Variants in FASTKD1 observed in about 807,000 individuals in gnomAD.
FASTKD1 encodes the protein FAST kinase domains 1.
FASTKD1 carries 94 observed loss-of-function variants against 90.9 expected under a neutral mutation model. That is an observed-to-expected ratio of 1.03 (90% CI 0.88 to 1.23). The LOEUF is 1.23. Among genes scored for constraint, FASTKD1 ranks in the 50% most tolerant of loss-of-function variants. The pLI is 0.00. For missense variants in FASTKD1, 945 were observed against 993.5 expected, an observed-to-expected ratio of 0.95 and a Z score of 0.66; for synonymous variants, 319 against 345.8, an observed-to-expected ratio of 0.92 and a Z score of 0.86.
chr2:169,559,066 C>T (rs777096321), intron 5 of FASTKD1, among the ~76,000 whole-genome samples: 3 of 151,648 alleles, frequency 2.0e-5, no homozygotes, highest in Non-Finnish European at 4.4e-5. Context: ...CCTGCACCTC[C>T]CGGGTTCAAG....
chr2:169,559,118 G>C (rs1310212736), intron 5 of FASTKD1, among the ~76,000 whole-genome samples: 1 of 151,638 alleles, frequency 6.6e-6, no homozygotes, highest in African/African-American at 2.4e-5. Context: ...GGGACTACAG[G>C]CGCTGCCATC....
At position 169,546,418 on chromosome 2, in the gene FASTKD1, G is replaced by A. The variant is rs372544431; in HGVS notation, c.1501C>T (p.Arg501Trp). Residue 501 changes from arginine to tryptophan, a missense_variant, in exon 8 of 15, where the codon CGG becomes TGG. By Grantham distance (101) the Arg-to-Trp change is moderately radical. Coordinates refer to ENST00000453153, the MANE Select transcript of FASTKD1 (RefSeq NM_024622.6). ...LQHSNSLDLL[R>W]KELKSLKGNT... ...CCTTTGAGAGATTTAAGTTCCTTCCGTAACAGATCCAAACTGTTGCTGTGT... is the reference window on the plus strand; with the variant it reads ...CCTTTGAGAGATTTAAGTTCCTTCCATAACAGATCCAAACTGTTGCTGTGT... 3.0e-5 allele frequency: 49 copies of A among 1,613,952 alleles called. No individual in the cohort carries two copies. Among genetic ancestry groups the A allele is most frequent in the East Asian group, 1.6e-4 (7 of 44,886 alleles).
chr2:169,556,723 G>A (rs978894190), intron 6 of FASTKD1, among the ~76,000 whole-genome samples: 1 of 152,056 alleles, frequency 6.6e-6, no homozygotes, highest in Non-Finnish European at 1.5e-5. Context: ...TACTCAGGAG[G>A]CTGAGACAGG....
At position 169,560,779 on chromosome 2, in the gene FASTKD1, CA is replaced by C. The variant is rs1683555419; in HGVS notation, c.578del (p.Leu193CysfsTer4). 3.6e-6 allele frequency: 5 copies of C among 1,371,388 alleles called. No individual in the cohort carries two copies. The East Asian group carries it at 1.4e-4, about 39-fold the overall frequency. 85.0% of individuals were successfully genotyped at this position (1,371,388 alleles called of 1,614,324 possible). A position where few individuals can be genotyped will look rare whatever the true frequency, so the allele number is the denominator to read the frequency against. On this transcript the variant is annotated frameshift_variant, in exon 5 of 15. Transcript: ENST00000453153. LOFTEE classifies it high-confidence loss of function. ...NLETTQDLSSLSVLMVNISSL... is the reference protein window; with the variant it reads ...NLETTQDLSSXSVLMVNISSL... ...AAGATATGTTGACCATCAAGACAGA[CA>C]AGGAACTGAAAAAGAAAAAAGATGC...
rs1447061574 is a variant in FASTKD1, at chr2:169,562,578, A to T, written c.572+647T>A. The stretch of plus-strand genomic sequence containing the variant: ...AAATACTTCTTGGGTTTACTTCATG[A>T]TATAATAATAATACCTACTATCCAT... On this transcript the variant is annotated intron_variant, in intron 4 of 14. Coordinates refer to ENST00000453153, the MANE Select transcript of FASTKD1 (RefSeq NM_024622.6). Among the ~76,000 whole-genome samples the T allele has an allele frequency of 5.3e-5, 8 of 152,224 alleles. No homozygotes were observed. In the South Asian group the frequency reaches 1.0e-3, roughly 20 times the overall value.
chr2:169,553,468 G>T (rs1685591046), intron 7 of FASTKD1, among the ~76,000 whole-genome samples: 1 of 152,000 alleles, frequency 6.6e-6, no homozygotes, highest in Non-Finnish European at 1.5e-5. Context: ...TCAAGAAAAA[G>T]ATAAACTTTC....
At chr2:169,540,563 G>C (rs971653213) in intron 9 of FASTKD1, among the ~76,000 whole-genome samples, 4 of 152,190 alleles carry the variant, frequency 2.6e-5, no homozygotes, top group Non-Finnish European at 4.4e-5. Flanking sequence ...CATGTAAAAA[G>C]AAGTGATCCC....
At chr2:169,561,703 CTATTATAAATTAATTAT>C (rs1559156274) in intron 4 of FASTKD1, among the ~76,000 whole-genome samples, 6 of 145,020 alleles carry the variant, frequency 4.1e-5, no homozygotes, top group African/African-American at 7.5e-5. Flanking sequence ...AATTATTAAT[CTATTATAAATTAATTAT>C]TAATCTATTA....
Position 169,571,819 on chromosome 2 carries a change from C to T in FASTKD1, c.211G>A (p.Ala71Thr). ...AILSEKQVGC[A>T]FDMLWKLQKQ... ...TGAAGCTTCCAAAGCATATCAAATG[C>T]ACATCCCACTTGCTTTTCTGAAAGT... The change falls in exon 2 of 15, where the codon GCA becomes ACA. Residue 71 changes from alanine (A) to threonine (T), a missense_variant. Coordinates refer to ENST00000453153, the MANE Select transcript of FASTKD1 (RefSeq NM_024622.6). The T allele has an allele frequency of 6.2e-7, 1 of 1,614,014 alleles. No homozygotes were observed. Among genetic ancestry groups the T allele is most frequent in the East Asian group, 2.2e-5 (1 of 44,852 alleles).
At chr2:169,531,660 G>T in intron 12 of FASTKD1, 170 bp from the exon 13 acceptor site, 1 of 539,442 alleles carries the variant, frequency 1.9e-6, no homozygotes, top group Non-Finnish European at 3.2e-6. Context: ...CTGGTCCAAT[G>T]GCACCTCTCT....
chr2:169,551,046 T>G (rs1392757340), intron 7 of FASTKD1, among the ~76,000 whole-genome samples: 1 of 152,192 alleles, frequency 6.6e-6, no homozygotes, highest in African/African-American at 2.4e-5. Flanking sequence ...TATATTTATT[T>G]ATAATACCAC....
At chr2:169,531,561 G>C in intron 12 of FASTKD1, 71 bp from the exon 13 acceptor site, 7 of 1,156,716 alleles carry the variant, frequency 6.1e-6, no homozygotes, top group Non-Finnish European at 7.3e-6. Context: ...AGATATATTT[G>C]AAATATATAT....
At chr2:169,534,673 G>A (rs1281761427) in intron 12 of FASTKD1, among the ~76,000 whole-genome samples, 2 of 151,716 alleles carry the variant, frequency 1.3e-5, no homozygotes, top group East Asian at 1.9e-4. Flanking sequence ...TAGCCAGGCT[G>A]ATCTCGAACT....
rs573964856 is a variant in FASTKD1 at position 169,531,849 on chromosome 2, T to A, written c.2189-359A>T. Among the ~76,000 whole-genome samples the A allele has an allele frequency of 1.8e-4, 28 of 152,316 alleles. 1 individual carries two copies. In the South Asian group the frequency reaches 2.1e-3, roughly 11 times the overall value. On this transcript the variant is annotated intron_variant, in intron 12 of 14. Coordinates refer to ENST00000453153, the MANE Select transcript of FASTKD1 (RefSeq NM_024622.6). ...ATCTGAAAATTAATAAAGAAAAAGA[T>A]ACAAGCATTTATCCTGTCTTTTCTA...
In FASTKD1 at chr2:169,536,300, T is replaced by C. The variant is rs545723054; in HGVS notation, c.2188+927A>G. 2.0e-5 allele frequency among the ~76,000 whole-genome samples: 3 copies of C among 152,280 alleles called. No homozygotes were observed. In the East Asian group the frequency reaches 5.8e-4, roughly 29 times the overall value. On this transcript the variant is annotated intron_variant, in intron 12 of 14. Transcript: ENST00000453153. ...ATTGAAATCCATGCAATCCTAGTCCTCTCTAGTTCTGTCTACGACATGATT... is the reference window on the plus strand; with the variant it reads ...ATTGAAATCCATGCAATCCTAGTCCCCTCTAGTTCTGTCTACGACATGATT...
intron 10 of FASTKD1, 103 bp downstream of exon 10, chr2:169,539,948 C>T: frequency 1.6e-6 from 1 of 616,760 alleles, no homozygotes; most frequent in Non-Finnish European, 2.5e-6. Flanking sequence ...CTATTAGAAA[C>T]AGAAAAAAGT....
Position 169,546,618 on chromosome 2 carries a change from A to G in FASTKD1, c.1301T>C (p.Val434Ala). ...SLLPSPHLDE[V>A]GISRIEAVLP... Reference sequence around the variant, plus strand: ...AACGGCTTCAATTCGGGATATCCCCACTTCGTCCAAGTGAGGAGAAGGGAG... The same window carrying G: ...AACGGCTTCAATTCGGGATATCCCCGCTTCGTCCAAGTGAGGAGAAGGGAG... The change falls in exon 8 of 15, where the codon GTG (valine) becomes GCG (alanine). Residue 434 changes from valine to alanine, a missense_variant. Physicochemically the swap from Val to Ala is moderately conservative, Grantham distance 64. Coordinates refer to ENST00000453153, the MANE Select transcript of FASTKD1 (RefSeq NM_024622.6). 1 of 1,614,198 alleles carries G rather than the reference A, an allele frequency of 6.2e-7. No homozygotes were observed. The highest frequency in any genetic ancestry group is 8.5e-7 in the Non-Finnish European group (1 of 1,180,042).
At chr2:169,544,595 C>A in intron 9 of FASTKD1, 126 bp downstream of exon 9, 1 of 650,516 alleles carries the variant, frequency 1.5e-6, no homozygotes, top group South Asian at 1.8e-5. Flanking sequence ...AAACAAAAAA[C>A]CTTTTTTTAG....
intron 9 of FASTKD1, among the ~76,000 whole-genome samples, chr2:169,544,291 C>A (rs1420081174): frequency 1.3e-5 from 2 of 152,014 alleles, no homozygotes; most frequent in South Asian, 4.1e-4. Context: ...TTTATAGGGC[C>A]GGGCGCAGTG....
Sources: gnomAD v4.1 joint callset for allele counts (sites outside exome capture counted in the v4.1 genomes callset) on GRCh38, gnomAD v4.1.1 for gene constraint, MANE v1.5 for transcripts, NCBI Gene and HGNC (gene_info 2026-07-23, HGNC 2026-07-21) for gene names.